The following WWOX variants were observed in gnomAD, a reference collection of about 807,000 sequenced individuals.
The protein encoded by WWOX is WW domain containing oxidoreductase, also known as WW domain-containing oxidoreductase.
Under a neutral mutation model 46.2 loss-of-function variants are expected in WWOX, and 69 were observed. The observed-to-expected ratio is 1.49, with a 90% confidence interval of 1.23 to 1.82. The LOEUF (loss-of-function observed/expected upper bound fraction) is 1.82. Among genes scored for constraint, WWOX ranks in the 40% most tolerant of loss-of-function variants. The pLI is 0.00. For synonymous variants in WWOX, 359 were observed against 202.6 expected, an observed-to-expected ratio of 1.77 and a Z score of -6.56; for missense variants, 919 against 542.6, an observed-to-expected ratio of 1.69 and a Z score of -6.89.
chr16:78,825,833 A>G (rs1250103162), intron 8 of WWOX: 2 of 607,478 alleles, frequency 3.3e-6, no homozygotes, highest in African/African-American at 3.7e-5. Context: ...CATCAAGGTG[A>G]AGGTCATGCT....
intron 8 of WWOX, among the ~76,000 whole-genome samples, chr16:78,508,695 C>A (rs547955467): frequency 6.6e-6 from 1 of 152,142 alleles, no homozygotes; most frequent in African/African-American, 2.4e-5. Context: ...AGAAGAAACG[C>A]TGGTGGTCAT....
chr16:78,873,594 C>T (rs984920493), intron 8 of WWOX: 5 of 152,016 alleles, frequency 3.3e-5, no homozygotes, highest in South Asian at 2.1e-4. Context: ...GGAGGCTAGC[C>T]TGGGGAACAT....
At chr16:78,598,751 C>T (rs537475398) in intron 8 of WWOX, among the ~76,000 whole-genome samples, 1 of 152,160 alleles carries the variant, frequency 6.6e-6, no homozygotes, top group Admixed American at 6.5e-5. Context: ...GGAAAGGTCA[C>T]TGGAGGCATT....
chr16:78,946,506 G>T (rs2045951467), intron 8 of WWOX, among the ~76,000 whole-genome samples: 1 of 152,030 alleles, frequency 6.6e-6, no homozygotes, highest in African/African-American at 2.4e-5. Flanking sequence ...CTGTTTCAAA[G>T]AAATAGTCAA....
chr16:78,609,456 C>T (rs1229352438), intron 8 of WWOX, among the ~76,000 whole-genome samples: 1 of 150,728 alleles, frequency 6.6e-6, no homozygotes, highest in South Asian at 2.1e-4. Context: ...AGTAAAAGTC[C>T]AGGCATGTGA....
At chr16:78,892,293 T>G (rs1395487645) in intron 8 of WWOX, 1 of 151,386 alleles carries the variant, frequency 6.6e-6, no homozygotes, top group Non-Finnish European at 1.5e-5. Context: ...CATGCTAAAA[T>G]AAAAAAAAAT....
intron 8 of WWOX, among the ~76,000 whole-genome samples, chr16:78,474,034 T>A (rs1252155974): frequency 6.6e-6 from 1 of 152,166 alleles, no homozygotes; most frequent in Non-Finnish European, 1.5e-5. Flanking sequence ...GATTTAAATG[T>A]GATAATAAGA....
chr16:78,516,193 G>A lies in WWOX; in HGVS notation c.1056+83441G>A, dbSNP rs549907023. On this transcript the variant is annotated intron_variant, in intron 8 of 8. Transcript: ENST00000566780. ...CCAAGACCACAGCTGACAGCGCCCC[G>A]GGAGTCCTTCACACTCTTCTCTGAG... is the stretch of plus-strand genomic sequence containing the variant. Among the ~76,000 whole-genome samples, 68 of 152,120 alleles carry A rather than the reference G, an allele frequency of 4.5e-4. 1 individual carries two copies. Among genetic ancestry groups the A allele is most frequent in the Admixed American group, 4.4e-3 (67 of 15,274 alleles).
chr16:78,470,417 T>C lies in WWOX; in HGVS notation c.1056+37665T>C, dbSNP rs1304728058. Among the ~76,000 whole-genome samples, 4 of 152,290 alleles carry C rather than the reference T, an allele frequency of 2.6e-5. No homozygotes were observed. The East Asian group carries it at 5.8e-4, about 22-fold the overall frequency. ...CCCCCTCAAGATCTTTGTTTTTGAC[T>C]TTGGAGATAACCAGAAATAACTAAG... On this transcript the variant is annotated intron_variant, in intron 8 of 8. Transcript: ENST00000566780.
At chr16:79,130,926 GA>G in intron 8 of WWOX, among the ~76,000 whole-genome samples, 1 of 152,354 alleles carries the variant, frequency 6.6e-6, no homozygotes, top group East Asian at 1.9e-4. Flanking sequence ...CATGCCAACC[GA>G]AGAGACCACT....
intron 5 of WWOX, among the ~76,000 whole-genome samples, chr16:78,241,945 TAAAGC>T (rs1392255554): frequency 6.6e-6 from 1 of 152,138 alleles, no homozygotes; most frequent in East Asian, 1.9e-4. Context: ...ATGCCACTGA[TAAAGC>T]AAAAGCAAAT....
chr16:78,259,678 T>C (rs1156649057), intron 5 of WWOX, among the ~76,000 whole-genome samples: 4 of 151,534 alleles, frequency 2.6e-5, no homozygotes, highest in Admixed American at 2.6e-4. Flanking sequence ...GGTTGAGAAG[T>C]ATAGAAGTGG....
intron 8 of WWOX, among the ~76,000 whole-genome samples, chr16:79,088,047 C>T (rs1405688277): frequency 6.6e-6 from 1 of 152,152 alleles, no homozygotes. Flanking sequence ...ATTGGTGCAT[C>T]CTGGTCTTGG....
intron 8 of WWOX, among the ~76,000 whole-genome samples, chr16:78,894,002 A>G (rs943204201): frequency 3.2e-5 from 4 of 124,044 alleles, no homozygotes; most frequent in African/African-American, 1.1e-4. Context: ...CCATAGAGTA[A>G]TGTCTTTTAT....
At chr16:78,998,909 A>G (rs766951620) in intron 8 of WWOX, among the ~76,000 whole-genome samples, 3 of 152,300 alleles carry the variant, frequency 2.0e-5, no homozygotes, top group Non-Finnish European at 2.9e-5. Flanking sequence ...GTTATTGCCT[A>G]TGCATGTATA....
chr16:78,375,150 T>G (rs1346366281), intron 5 of WWOX, among the ~76,000 whole-genome samples: 2 of 152,258 alleles, frequency 1.3e-5, no homozygotes, highest in Non-Finnish European at 2.9e-5. Flanking sequence ...TCTGAAAGAT[T>G]TATCTCTTTC....
At chr16:78,532,328 C>T (rs963219967) in intron 8 of WWOX, among the ~76,000 whole-genome samples, 1 of 152,156 alleles carries the variant, frequency 6.6e-6, no homozygotes, top group Admixed American at 6.5e-5. Flanking sequence ...CAAGTCCTCT[C>T]TCTGTCTCTT....
intron 6 of WWOX, among the ~76,000 whole-genome samples, chr16:78,390,123 C>T (rs562042423): frequency 4.6e-4 from 70 of 152,310 alleles, no homozygotes; most frequent in Non-Finnish European, 6.5e-4. Context: ...AGGTTGGTGA[C>T]GGGCATGGGG....
At chr16:78,573,967 T>G (rs1458781981) in intron 8 of WWOX, among the ~76,000 whole-genome samples, 1 of 152,216 alleles carries the variant, frequency 6.6e-6, no homozygotes, top group Non-Finnish European at 1.5e-5. Context: ...AATCATATAT[T>G]GGCCAGGGTG....
Sources: allele counts gnomAD v4.1 joint callset (sites outside exome capture counted in the v4.1 genomes callset), GRCh38; gene constraint gnomAD v4.1.1; transcripts MANE v1.5; gene names NCBI Gene and HGNC (gene_info 2026-07-23, HGNC 2026-07-21).